The following DPYSL4 variants were observed in gnomAD, a reference collection of about 807,000 sequenced individuals.
The protein encoded by DPYSL4 is dihydropyrimidinase-related protein 4.
Under a neutral mutation model 63.4 loss-of-function variants are expected in DPYSL4, and 43 were observed. The ratio of observed to expected loss-of-function variants is 0.68; its 90% CI spans 0.53 to 0.88. DPYSL4 has a LOEUF of 0.88. Ranked by LOEUF, DPYSL4 falls within the 40% of genes least tolerant of loss-of-function variation. The pLI is 0.00. For synonymous variants in DPYSL4, 353 were observed against 331.7 expected, an observed-to-expected ratio of 1.06 and a Z score of -0.70; for missense variants, 733 against 819.5, an observed-to-expected ratio of 0.89 and a Z score of 1.29.
At chr10:132,189,198 G>A (rs1359131147) in intron 1 of DPYSL4, among the ~76,000 whole-genome samples, 2 of 152,236 alleles carry the variant, frequency 1.3e-5, no homozygotes, top group African/African-American at 4.8e-5. Context: ...AAATGCAGAC[G>A]GTCAGTCCTG....
intron 13 of DPYSL4, 63 bp from the exon 14 acceptor site, chr10:132,204,776 C>T (rs2062072512): frequency 6.9e-7 from 1 of 1,451,188 alleles, no homozygotes; most frequent in Non-Finnish European, 9.4e-7. Context: ...TGCCTCACGC[C>T]TTGAATAGAA....
chr10:132,196,919 C>A lies in DPYSL4; in HGVS notation c.537C>A (p.Ser179Arg). 6.2e-7 allele frequency: 1 copy of A among 1,608,016 alleles called. No homozygotes were observed. The highest frequency in any genetic ancestry group is 8.5e-7 in the Non-Finnish European group (1 of 1,176,512). The change falls in exon 5 of 14, where the codon AGC (serine) becomes AGA (arginine). Residue 179 changes from serine (S) to arginine (R), a missense_variant. By Grantham distance (110) the Ser-to-Arg change is moderately radical. Transcript: ENST00000338492. ...AYKDRCQCSD[S>R]QMYEIFSIIR... ...AGGACCGGTGCCAGTGCAGCGACAG[C>A]CAGGTAAGGGCAGGCGTGGGGAACG...
At chr10:132,197,936 C>T (rs2061966334) in intron 6 of DPYSL4, among the ~76,000 whole-genome samples, 1 of 152,216 alleles carries the variant, frequency 6.6e-6, no homozygotes, top group Non-Finnish European at 1.5e-5. Flanking sequence ...CGGGAGGGAG[C>T]CTCAGTATTG....
At chr10:132,197,284 G>T (rs1366293269) in intron 6 of DPYSL4, among the ~76,000 whole-genome samples, 183 bp downstream of exon 6, 1 of 152,224 alleles carries the variant, frequency 6.6e-6, no homozygotes, top group Admixed American at 6.5e-5. Flanking sequence ...CAGTGAGTTA[G>T]AGAGACTGGG....
chr10:132,196,773 C>G, intron 4 of DPYSL4, 88 bp from the exon 5 acceptor site: 1 of 1,504,524 alleles, frequency 6.6e-7, no homozygotes, highest in South Asian at 1.1e-5. Context: ...CCCAAGACCC[C>G]CAACCCTCCA....
chr10:132,194,047 G>C (rs530143916), intron 3 of DPYSL4, among the ~76,000 whole-genome samples: 5 of 152,380 alleles, frequency 3.3e-5, no homozygotes, highest in Non-Finnish European at 5.9e-5. Context: ...GCCAGCTGTG[G>C]GTCCCCGCGA....
At chr10:132,201,196 G>C (rs1396398234) in intron 10 of DPYSL4, among the ~76,000 whole-genome samples, 2 of 152,278 alleles carry the variant, frequency 1.3e-5, no homozygotes, top group East Asian at 3.9e-4. Flanking sequence ...AGGGGCAGCT[G>C]GTAGCCCCCC....
At chr10:132,204,715 A>T in intron 13 of DPYSL4, 124 bp from the exon 14 acceptor site, 1 of 720,842 alleles carries the variant, frequency 1.4e-6, no homozygotes. Flanking sequence ...TGGTGGTGGC[A>T]GGTGTGCGGG....
chr10:132,203,984 C>A, intron 13 of DPYSL4, 57 bp downstream of exon 13: 1 of 1,547,426 alleles, frequency 6.5e-7, no homozygotes, highest in South Asian at 1.2e-5. Context: ...GCATCCAGGG[C>A]CTCAGGTACC....
chr10:132,187,349 CGGCCCTGCCGGGCCCTGCCG>C (rs560533363), intron 1 of DPYSL4, among the ~76,000 whole-genome samples: 10,952 of 61,122 alleles, frequency 0.18, 808 homozygotes, highest in East Asian at 0.45. Flanking sequence ...CGGCCCTGCC[CGGCCCTGCCGGGCCCTGCCG>C]GGCCCTGCCC....
Position 132,186,994 on chromosome 10 carries a change from T to TCCGCCCCCCCCCC in DPYSL4, c.-68_-67insGCCCCCCCCCCCC. The TCCGCCCCCCCCCC allele has an allele frequency of 1.8e-5, 4 of 217,372 alleles. No individual in the cohort carries two copies. Among genetic ancestry groups the TCCGCCCCCCCCCC allele is most frequent in the South Asian group, 7.5e-5 (1 of 13,406 alleles). 13.5% of individuals were successfully genotyped at this position (217,372 alleles called of 1,614,324 possible). On this transcript the variant is annotated 5_prime_UTR_variant, in exon 1 of 14. Transcript: ENST00000338492. ...CCACGCACGCGTCCCGGCTCACGCG[T>TCCGCCCCCCCCCC]CCCCCCGCCCGCCCGCCCGCCCGCC...
In DPYSL4 at chr10:132,203,926, T is replaced by A. The variant is rs1203780629; in HGVS notation, c.1626T>A (p.Ser542=). 1.3e-6 allele frequency: 2 copies of A among 1,596,502 alleles called. No individual in the cohort carries two copies. The highest frequency in any genetic ancestry group is 4.5e-5 in the East Asian group (2 of 44,374). The change falls in exon 13 of 14, where the codon TCT becomes TCA. Residue 542 remains serine, a splice_region_variant and synonymous_variant. Transcript: ENST00000338492. The stretch of plus-strand genomic sequence containing the variant: ...TACATCAGTCGGGGTTCAGCCTATC[T>A]GGTGAGTTGGGCCTGGGGCACCAGT... ...RNLHQSGFSL[S]GSQADDHIAR...
At chr10:132,194,689 A>AG in intron 3 of DPYSL4, among the ~76,000 whole-genome samples, 156 bp from the exon 4 acceptor site, 1 of 152,150 alleles carries the variant, frequency 6.6e-6, no homozygotes. Flanking sequence ...GGTTCGTGGC[A>AG]GCGTCATCCT....
At chr10:132,197,368 G>A (rs370146935) in intron 6 of DPYSL4, among the ~76,000 whole-genome samples, 2 of 152,222 alleles carry the variant, frequency 1.3e-5, no homozygotes, top group African/African-American at 4.8e-5. Flanking sequence ...TACCTCAAAA[G>A]CAAAGTGTCA....
Position 132,187,019 on chromosome 10 carries a change from C to A in DPYSL4, c.-45C>A. On this transcript the variant is annotated 5_prime_UTR_variant, in exon 1 of 14. Coordinates refer to ENST00000338492, the MANE Select transcript of DPYSL4 (RefSeq NM_006426.3). ...TCCCCCCGCCCGCCCGCCCGCCCGC[C>A]CGCCCCCGCTTGTGCCGCCCCTACC... 6 of 315,390 alleles carry A rather than the reference C, an allele frequency of 1.9e-5. No homozygotes were observed. Among genetic ancestry groups the A allele is most frequent in the South Asian group, 6.3e-5 (1 of 15,908 alleles). The allele number at this position is 315,390 out of a possible 1,614,324, so 19.5% of individuals were successfully genotyped here. A position where few individuals can be genotyped will look rare whatever the true frequency, so the allele number is the denominator to read the frequency against.
intron 1 of DPYSL4, 73 bp from the exon 2 acceptor site, chr10:132,190,673 AG>A: frequency 7.1e-7 from 1 of 1,403,572 alleles, no homozygotes; most frequent in Admixed American, 2.0e-5. Context: ...ATAATTTCAG[AG>A]GAAGGAGTTG....
intron 11 of DPYSL4, 42 bp downstream of exon 11, chr10:132,202,158 G>C (rs759660921): frequency 2.5e-6 from 4 of 1,589,450 alleles, no homozygotes; most frequent in Admixed American, 1.7e-5. Context: ...CCTTTGTGGG[G>C]CCGGGACCCC....
chr10:132,202,234 TC>T, intron 11 of DPYSL4, 118 bp downstream of exon 11: 1 of 1,342,640 alleles, frequency 7.4e-7, no homozygotes, highest in Non-Finnish European at 1.0e-6. Flanking sequence ...GCCTCAGCCA[TC>T]CCAGGGCCGT....
At chr10:132,201,858 TG>T in intron 10 of DPYSL4, 87 bp from the exon 11 acceptor site, 1 of 1,400,764 alleles carries the variant, frequency 7.1e-7, no homozygotes, top group Non-Finnish European at 9.8e-7. Flanking sequence ...TCCATCCTTG[TG>T]GGGTCCTGGT....
Sources: allele counts gnomAD v4.1 joint callset (sites outside exome capture counted in the v4.1 genomes callset), GRCh38; gene constraint gnomAD v4.1.1; transcripts MANE v1.5; gene names NCBI Gene and HGNC (gene_info 2026-07-23, HGNC 2026-07-21).